PCSK6: variants seen among roughly 807,000 people sequenced by gnomAD.
PCSK6 encodes proprotein convertase subtilisin/kexin type 6, also known as paired basic amino acid cleaving enzyme 4.
In PCSK6, 85 loss-of-function variants were observed where a neutral mutation model predicts 123.3. That is an observed-to-expected ratio of 0.69 (90% CI 0.58 to 0.83). PCSK6 has a LOEUF of 0.83. Ranked by LOEUF, PCSK6 falls within the 40% of genes least tolerant of loss-of-function variation. The pLI is 0.00. For synonymous variants in PCSK6, 508 were observed against 516.0 expected, an observed-to-expected ratio of 0.98 and a Z score of 0.21; for missense variants, 1,191 against 1,282.3, an observed-to-expected ratio of 0.93 and a Z score of 1.09.
intron 11 of PCSK6, among the ~76,000 whole-genome samples, chr15:101,374,543 T>A (rs536751386): frequency 6.6e-6 from 1 of 152,128 alleles, no homozygotes; most frequent in East Asian, 1.9e-4. Context: ...ACTGGGCCCA[T>A]GAATGTTCTA....
chr15:101,366,068 G>T, intron 13 of PCSK6, 128 bp downstream of exon 13: 3 of 1,001,478 alleles, frequency 3.0e-6, no homozygotes, highest in Non-Finnish European at 4.2e-6. Context: ...TGAATTTTCT[G>T]TTATGGGAAT....
At chr15:101,453,329 C>T (rs368109671) in intron 1 of PCSK6, among the ~76,000 whole-genome samples, 9 of 152,332 alleles carry the variant, frequency 5.9e-5, no homozygotes, top group African/African-American at 1.9e-4. Flanking sequence ...GCAGAGCACA[C>T]GCCCCTGCTC....
intron 9 of PCSK6, among the ~76,000 whole-genome samples, chr15:101,388,333 T>C (rs78243711): frequency 1.3e-5 from 2 of 152,350 alleles, no homozygotes; most frequent in Non-Finnish European, 2.9e-5. Context: ...ATTACAAGCA[T>C]TGAGGCATCC....
chr15:101,415,844 T>C (rs1007648453), intron 6 of PCSK6, among the ~76,000 whole-genome samples: 4 of 152,230 alleles, frequency 2.6e-5, no homozygotes, highest in African/African-American at 4.8e-5. Flanking sequence ...GCCACCACCA[T>C]ATAAGAAGTG....
In PCSK6 at chr15:101,431,941, C is replaced by A. The variant is rs374629705; in HGVS notation, c.513+49G>T. ...GAGGGAAATTAACCCATTTCAGAGA[C>A]CTGGCAGTGCAAGTGTCCTGGGGCA... On this transcript the variant is annotated intron_variant, in intron 3 of 21. Transcript: ENST00000611716. 17 of 1,305,556 alleles carry A rather than the reference C, an allele frequency of 1.3e-5. No homozygotes were observed. The African/African-American group carries it at 2.0e-4, about 16-fold the overall frequency. The allele number at this position is 1,305,556 out of a possible 1,614,324, so 80.9% of individuals were successfully genotyped here.
chr15:101,403,738 G>A (rs1044524850), intron 6 of PCSK6, among the ~76,000 whole-genome samples: 6 of 150,094 alleles, frequency 4.0e-5, no homozygotes, highest in African/African-American at 1.5e-4. Flanking sequence ...TATTTATTTT[G>A]AGATGGCGTC....
intron 6 of PCSK6, among the ~76,000 whole-genome samples, chr15:101,405,288 G>C (rs1224667245): frequency 6.6e-6 from 1 of 152,220 alleles, no homozygotes; most frequent in Non-Finnish European, 1.5e-5. Flanking sequence ...TGGCATTGAT[G>C]GCAATGAACT....
chr15:101,480,484 T>G (rs1453278684), intron 1 of PCSK6, among the ~76,000 whole-genome samples: 1 of 152,224 alleles, frequency 6.6e-6, no homozygotes, highest in African/African-American at 2.4e-5. Flanking sequence ...ATGGGAACCC[T>G]AGGCTGCTGA....
intron 1 of PCSK6, among the ~76,000 whole-genome samples, chr15:101,459,086 C>G (rs531685353): frequency 6.0e-4 from 91 of 152,266 alleles, no homozygotes; most frequent in African/African-American, 2.0e-3. Context: ...CTCCAGGCCA[C>G]CTCTCCTCTC....
At chr15:101,396,182 C>A (rs540032329) in intron 7 of PCSK6, among the ~76,000 whole-genome samples, 1 of 152,152 alleles carries the variant, frequency 6.6e-6, no homozygotes. Flanking sequence ...CAGTATTTCA[C>A]AAAACTGTGA....
At chr15:101,394,154 T>TC (rs1456445871) in intron 7 of PCSK6, among the ~76,000 whole-genome samples, 1 of 150,920 alleles carries the variant, frequency 6.6e-6, no homozygotes, top group Non-Finnish European at 1.5e-5. Flanking sequence ...GTTTTTTTTT[T>TC]TTTGAGACAG....
At chr15:101,352,674 A>G (rs990304649) in intron 13 of PCSK6, among the ~76,000 whole-genome samples, 4 of 152,210 alleles carry the variant, frequency 2.6e-5, no homozygotes, top group African/African-American at 7.2e-5. Flanking sequence ...ATTTTATTAT[A>G]GTTAAAAAAC....
chr15:101,449,006 G>A (rs374087081), intron 1 of PCSK6, among the ~76,000 whole-genome samples: 5 of 151,794 alleles, frequency 3.3e-5, no homozygotes, highest in Non-Finnish European at 5.9e-5. Flanking sequence ...TACGTATGCC[G>A]GTGTGTGTGT....
chr15:101,384,530 G>T, intron 9 of PCSK6, 105 bp from the exon 10 acceptor site: 1 of 812,526 alleles, frequency 1.2e-6, no homozygotes. Flanking sequence ...CTGAACTTCA[G>T]CAAGCCCCTC....
chr15:101,353,175 C>T lies in PCSK6; in HGVS notation c.1858+13021G>A, dbSNP rs532462684. On this transcript the variant is annotated intron_variant, in intron 13 of 21. Transcript: ENST00000611716. ...TGGGAGCCCTGAGCTTCTTTCCCTG[C>T]GACTAGACGGTCCCGTCTGGGGGTG... Among the ~76,000 whole-genome samples, 77 of 152,302 alleles carry T rather than the reference C, an allele frequency of 5.1e-4. 1 individual carries two copies. In the South Asian group the frequency reaches 0.013, roughly 25 times the overall value.
chr15:101,365,350 C>G (rs2041356341), intron 13 of PCSK6, among the ~76,000 whole-genome samples: 1 of 152,170 alleles, frequency 6.6e-6, no homozygotes, highest in Non-Finnish European at 1.5e-5. Flanking sequence ...TGAAGAACCA[C>G]AGATACCACT....
At chr15:101,445,103 C>G (rs1246891675) in intron 1 of PCSK6, among the ~76,000 whole-genome samples, 1 of 152,188 alleles carries the variant, frequency 6.6e-6, no homozygotes, top group Admixed American at 6.5e-5. Context: ...AATACGAAGA[C>G]AGTCATGAGG....
At position 101,304,185 on chromosome 15, in the gene PCSK6, A is replaced by G. The variant is rs1226811418; in HGVS notation, c.*1073T>C. 6.6e-6 allele frequency: 1 copy of G among 152,598 alleles called. No homozygotes were observed. The highest frequency in any genetic ancestry group is 2.4e-5 in the African/African-American group (1 of 41,462). 9.5% of individuals were successfully genotyped at this position (152,598 alleles called of 1,614,324 possible). ...GATCTGTGCATTTCAATGAAAATATATGAAATATTTGTCAAAATAATTAAC... is the reference window on the plus strand; with the variant it reads ...GATCTGTGCATTTCAATGAAAATATGTGAAATATTTGTCAAAATAATTAAC... On this transcript the variant is annotated 3_prime_UTR_variant, in exon 22 of 22. Transcript: ENST00000611716.
At chr15:101,453,942 C>T (rs555445654) in intron 1 of PCSK6, among the ~76,000 whole-genome samples, 11 of 152,294 alleles carry the variant, frequency 7.2e-5, no homozygotes, top group South Asian at 4.1e-4. Context: ...CACCTGGGCA[C>T]GCTGCTTACA....
Sources: gnomAD v4.1 joint callset for allele counts (sites outside exome capture counted in the v4.1 genomes callset) on GRCh38, gnomAD v4.1.1 for gene constraint, MANE v1.5 for transcripts, NCBI Gene and HGNC (gene_info 2026-07-23, HGNC 2026-07-21) for gene names.